Variants in PLXDC2 observed in about 807,000 individuals in gnomAD.
PLXDC2 encodes plexin domain-containing protein 2.
In PLXDC2, 40 loss-of-function variants were observed where a neutral mutation model predicts 68.9. That is an observed-to-expected ratio of 0.58 (90% CI 0.45 to 0.76). The LOEUF is 0.76. Among genes scored for constraint, PLXDC2 ranks in the 30% least tolerant of loss-of-function variants. The pLI is 0.00. For synonymous variants in PLXDC2, 243 were observed against 234.2 expected (o/e 1.04, Z -0.34); for missense variants, 644 against 661.9 (o/e 0.97, Z 0.30).
intron 4 of PLXDC2, among the ~76,000 whole-genome samples, chr10:20,137,398 T>G (rs768281350): frequency 6.6e-5 from 10 of 152,232 alleles, no homozygotes; most frequent in Non-Finnish European, 1.5e-4. Flanking sequence ...GAAGTCATTT[T>G]ATTCTACTAG....
At chr10:20,107,462 A>G (rs1381761438) in intron 4 of PLXDC2, among the ~76,000 whole-genome samples, 4 of 152,208 alleles carry the variant, frequency 2.6e-5, no homozygotes, top group African/African-American at 9.6e-5. Flanking sequence ...AATAGCTTGG[A>G]TTAAAAATTA....
At chr10:20,149,677 T>C (rs1198114112) in intron 6 of PLXDC2, among the ~76,000 whole-genome samples, 1 of 152,170 alleles carries the variant, frequency 6.6e-6, no homozygotes, top group Non-Finnish European at 1.5e-5. Flanking sequence ...TGGTATTTGG[T>C]TTTCCATTCC....
At chr10:20,049,988 G>T (rs1028428466) in intron 3 of PLXDC2, among the ~76,000 whole-genome samples, 1 of 152,140 alleles carries the variant, frequency 6.6e-6, no homozygotes, top group Non-Finnish European at 1.5e-5. Flanking sequence ...AACCAAAACA[G>T]CATGTTACTG....
At chr10:19,844,032 T>C (rs1466937099) in intron 1 of PLXDC2, among the ~76,000 whole-genome samples, 1 of 152,162 alleles carries the variant, frequency 6.6e-6, no homozygotes, top group East Asian at 1.9e-4. Context: ...AAATATGGCA[T>C]GTATTCTGCA....
intron 1 of PLXDC2, among the ~76,000 whole-genome samples, chr10:19,921,886 G>A (rs998251448): frequency 2.6e-5 from 4 of 151,676 alleles, no homozygotes; most frequent in South Asian, 2.1e-4. Context: ...TTGAGACAGC[G>A]TCTCACTCTG....
intron 4 of PLXDC2, among the ~76,000 whole-genome samples, chr10:20,090,899 CA>C (rs1833267595): frequency 6.6e-6 from 1 of 152,126 alleles, no homozygotes; most frequent in Non-Finnish European, 1.5e-5. Context: ...CCCATTGGCA[CA>C]ATTCTTATAT....
intron 2 of PLXDC2, among the ~76,000 whole-genome samples, chr10:20,025,137 G>T (rs1022091511): frequency 3.9e-5 from 6 of 152,152 alleles, no homozygotes; most frequent in Admixed American, 2.0e-4. Context: ...TTGTATGGTA[G>T]CTCTGTTTTA....
At chr10:20,257,997 C>CTTTTTTTTTTTTTTT (rs550997528) in intron 13 of PLXDC2, among the ~76,000 whole-genome samples, 9 of 84,360 alleles carry the variant, frequency 1.1e-4, no homozygotes, top group African/African-American at 1.8e-4. Context: ...TTTTTTCTTT[C>CTTTTTTTTTTTTTTT]TTTTTTTTTT....
chr10:19,896,592 T>G (rs1838062138), intron 1 of PLXDC2, among the ~76,000 whole-genome samples: 1 of 152,210 alleles, frequency 6.6e-6, no homozygotes, highest in Non-Finnish European at 1.5e-5. Flanking sequence ...GTCACTCACT[T>G]TGCTAGGCAG....
At chr10:19,964,450 C>T (rs1428008886) in intron 1 of PLXDC2, among the ~76,000 whole-genome samples, 1 of 152,138 alleles carries the variant, frequency 6.6e-6, no homozygotes, top group Admixed American at 6.5e-5. Context: ...AATAGCTTTC[C>T]ATTTTTCATC....
chr10:19,918,721 G>A (rs952203228), intron 1 of PLXDC2, among the ~76,000 whole-genome samples: 6 of 152,116 alleles, frequency 3.9e-5, no homozygotes, highest in East Asian at 1.9e-4. Context: ...CTTTAATATC[G>A]AGACTCTTGA....
At chr10:20,024,013 A>T (rs7904253) in intron 2 of PLXDC2, among the ~76,000 whole-genome samples, 12,597 of 152,108 alleles carry the variant, frequency 0.083, 1,040 homozygotes, top group African/African-American at 0.22. Context: ...ATATTGATTG[A>T]TCTTATATAT....
chr10:19,885,260 G>A (rs1475481194), intron 1 of PLXDC2, among the ~76,000 whole-genome samples: 1 of 151,348 alleles, frequency 6.6e-6, no homozygotes, highest in African/African-American at 2.4e-5. Flanking sequence ...TTAGCCCTTT[G>A]TCAGATGAGT....
intron 4 of PLXDC2, among the ~76,000 whole-genome samples, chr10:20,142,523 T>G (rs1376076475): frequency 6.6e-6 from 1 of 152,124 alleles, no homozygotes; most frequent in African/African-American, 2.4e-5. Context: ...TGTGAATAAT[T>G]GAAAGTGGGT....
At chr10:20,155,280 T>C (rs929806907) in intron 6 of PLXDC2, among the ~76,000 whole-genome samples, 2 of 152,168 alleles carry the variant, frequency 1.3e-5, no homozygotes, top group Non-Finnish European at 2.9e-5. Context: ...GCTGAACTTG[T>C]AGAATTTATA....
chr10:20,165,326 T>G (rs535759913), intron 7 of PLXDC2, among the ~76,000 whole-genome samples: 125 of 152,242 alleles, frequency 8.2e-4, no homozygotes, highest in African/African-American at 2.9e-3. Context: ...GTGCACATTG[T>G]GCAGGTTATT....
At chr10:20,008,756 G>A (rs992895353) in intron 2 of PLXDC2, among the ~76,000 whole-genome samples, 1 of 152,070 alleles carries the variant, frequency 6.6e-6, no homozygotes, top group Non-Finnish European at 1.5e-5. Flanking sequence ...GACCCAGTGG[G>A]AAATCACTGA....
intron 1 of PLXDC2, among the ~76,000 whole-genome samples, chr10:19,891,987 G>A (rs919975936): frequency 6.6e-6 from 1 of 152,080 alleles, no homozygotes; most frequent in African/African-American, 2.4e-5. Flanking sequence ...ATAGAAAAAA[G>A]AACTTATGCA....
At position 20,217,455 on chromosome 10, in the gene PLXDC2, A is replaced by G. The variant is rs750519956; in HGVS notation, c.1152A>G (p.Glu384=). Residue 384 remains glutamate (E), a synonymous_variant, in exon 11 of 14, where the codon GAA becomes GAG. Transcript: ENST00000377252. The part of the protein sequence containing the change: ...ESKEKMCENT[E]PVETSSRTTT... ...AAGAGAAGATGTGTGAGAATACAGA[A>G]CCAGTGGAAACTTCTTCTCGAACCA... The G allele has an allele frequency of 1.2e-6, 2 of 1,612,696 alleles. No homozygotes were observed. Among genetic ancestry groups the G allele is most frequent in the African/African-American group, 2.7e-5 (2 of 74,856 alleles).
Sources: allele counts gnomAD v4.1 joint callset (sites outside exome capture counted in the v4.1 genomes callset), GRCh38; gene constraint gnomAD v4.1.1; transcripts MANE v1.5; gene names NCBI Gene and HGNC (gene_info 2026-07-23, HGNC 2026-07-21).